Variants in EDAR observed in about 807,000 individuals in gnomAD.
EDAR encodes ectodysplasin A receptor.
Under a neutral mutation model 51.3 loss-of-function variants are expected in EDAR, and 38 were observed. That is an observed-to-expected ratio of 0.74 (90% CI 0.57 to 0.97). The LOEUF (loss-of-function observed/expected upper bound fraction) is 0.97, where lower values mean the gene tolerates loss of function less well. EDAR is among the 50% of genes least tolerant of loss of function. EDAR has a pLI of 0.00. For synonymous variants in EDAR, 227 were observed against 242.1 expected, an observed-to-expected ratio of 0.94 and a Z score of 0.58; for missense variants, 528 against 595.0, an observed-to-expected ratio of 0.89 and a Z score of 1.17.
intron 1 of EDAR, among the ~76,000 whole-genome samples, chr2:108,936,235 C>A (rs1418068727): frequency 1.3e-5 from 2 of 152,236 alleles, no homozygotes; most frequent in Non-Finnish European, 2.9e-5. Flanking sequence ...CCTTGGCAGG[C>A]CTGATGGTTC....
intron 7 of EDAR, 31 bp from the exon 8 acceptor site, chr2:108,910,881 G>C: frequency 6.2e-7 from 1 of 1,614,050 alleles, no homozygotes; most frequent in Non-Finnish European, 8.5e-7. Context: ...GAGCAGCCAG[G>C]CTCTCCGACA....
At chr2:108,909,841 C>T (rs1696883436) in intron 9 of EDAR, among the ~76,000 whole-genome samples, 1 of 152,240 alleles carries the variant, frequency 6.6e-6, no homozygotes, top group South Asian at 2.1e-4. Context: ...CTCTTTACAC[C>T]ATGTGGCTCC....
At chr2:108,958,523 G>A (rs547766534) in intron 1 of EDAR, among the ~76,000 whole-genome samples, 1 of 152,166 alleles carries the variant, frequency 6.6e-6, no homozygotes, top group Non-Finnish European at 1.5e-5. Flanking sequence ...GAACAGGGGG[G>A]CATGGCAAGA....
At chr2:108,916,701 AGCCGAGGAGG>A (rs1697034893) in intron 5 of EDAR, among the ~76,000 whole-genome samples, 2 of 152,158 alleles carry the variant, frequency 1.3e-5, no homozygotes, top group Non-Finnish European at 2.9e-5. Flanking sequence ...ACGTGTGCGC[AGCCGAGGAGG>A]TGGGGGCAAG....
chr2:108,916,723 T>G (rs1348104917), intron 5 of EDAR, among the ~76,000 whole-genome samples: 1 of 152,064 alleles, frequency 6.6e-6, no homozygotes, highest in Non-Finnish European at 1.5e-5. Flanking sequence ...GGGGGCAAGA[T>G]GGGTGGGATG....
rs779752511 is a variant in EDAR at position 108,910,896 on chromosome 2, G to T, written c.656-46C>A. ...GAGCAGCCAGGCTCTCCGACAGGGG[G>T]AGTTGACGGAGAGTCCAGGAAGCAG... On this transcript the variant is annotated intron_variant, in intron 7 of 11. Transcript: ENST00000258443. 4.3e-6 allele frequency: 7 copies of T among 1,614,022 alleles called. No individual in the cohort carries two copies. The South Asian group carries it at 7.7e-5, about 18-fold the overall frequency.
At chr2:108,971,921 G>C (rs988654736) in intron 1 of EDAR, among the ~76,000 whole-genome samples, 2 of 152,210 alleles carry the variant, frequency 1.3e-5, no homozygotes, top group African/African-American at 2.4e-5. Flanking sequence ...GCTGTGCCGT[G>C]GCTGCTGCTC....
intron 1 of EDAR, among the ~76,000 whole-genome samples, chr2:108,968,392 T>C (rs1469295568): frequency 6.6e-6 from 1 of 152,210 alleles, no homozygotes; most frequent in Non-Finnish European, 1.5e-5. Context: ...ATGCATCCTT[T>C]TGACTGTTGA....
chr2:108,934,584 G>A (rs1697431013), intron 1 of EDAR, among the ~76,000 whole-genome samples: 1 of 152,152 alleles, frequency 6.6e-6, no homozygotes, highest in African/African-American at 2.4e-5. Flanking sequence ...TGGGGTTCTG[G>A]TTCTGGGAAG....
chr2:108,930,312 A>G, intron 2 of EDAR, 70 bp from the exon 3 acceptor site: 1 of 1,604,090 alleles, frequency 6.2e-7, no homozygotes, highest in Admixed American at 1.7e-5. Context: ...GCAAGACCCC[A>G]AGGTTGACAT....
chr2:108,922,863 A>T (rs1163367060), intron 5 of EDAR, among the ~76,000 whole-genome samples: 1 of 152,202 alleles, frequency 6.6e-6, no homozygotes, highest in Admixed American at 6.5e-5. Flanking sequence ...AAAGGATAAC[A>T]GGAAAGAAAC....
At chr2:108,907,774 G>T in intron 10 of EDAR, 86 bp downstream of exon 10, 1 of 1,506,244 alleles carries the variant, frequency 6.6e-7, no homozygotes, top group South Asian at 1.1e-5. Context: ...TCTTGCAGGA[G>T]AGCTGATTCA....
chr2:108,922,425 G>A (rs190364539), intron 5 of EDAR, among the ~76,000 whole-genome samples: 13 of 152,306 alleles, frequency 8.5e-5, no homozygotes, highest in Non-Finnish European at 1.5e-4. Flanking sequence ...CAAACACATT[G>A]GTGCAGGGCT....
intron 9 of EDAR, among the ~76,000 whole-genome samples, chr2:108,909,788 A>G (rs1275698241): frequency 6.6e-6 from 1 of 152,206 alleles, no homozygotes; most frequent in African/African-American, 2.4e-5. Context: ...TGTGTGGTAA[A>G]CGCGGGAAAG....
At chr2:108,980,629 T>C (rs889951048) in intron 1 of EDAR, among the ~76,000 whole-genome samples, 43 of 152,108 alleles carry the variant, frequency 2.8e-4, no homozygotes, top group Non-Finnish European at 5.7e-4. Context: ...GCTGCTGTTT[T>C]ATACAGTGTG....
At chr2:108,961,133 G>T (rs1433489960) in intron 1 of EDAR, among the ~76,000 whole-genome samples, 5 of 152,260 alleles carry the variant, frequency 3.3e-5, no homozygotes, top group African/African-American at 1.2e-4. Flanking sequence ...AGACCCTGCA[G>T]AGTGGCCCCC....
Position 108,906,384 on chromosome 2 carries a change from G to A in EDAR, c.964-16C>T, listed in dbSNP as rs377672239. The A allele has an allele frequency of 1.3e-4, 212 of 1,613,880 alleles. No homozygotes were observed. Among genetic ancestry groups the A allele is most frequent in the Non-Finnish European group, 1.7e-4 (198 of 1,179,894 alleles). On this transcript the variant is annotated splice_polypyrimidine_tract_variant and intron_variant, in intron 10 of 11. Coordinates refer to ENST00000258443, the MANE Select transcript of EDAR (RefSeq NM_022336.4). ...GGCTTTGAATCTGTGAAAAAGAGTC[G>A]AGAATTTTCATCTCCAGAAAGGGGC... is the stretch of plus-strand genomic sequence containing the variant.
intron 1 of EDAR, among the ~76,000 whole-genome samples, chr2:108,950,039 C>T (rs1481643171): frequency 1.3e-5 from 2 of 152,142 alleles, no homozygotes; most frequent in Non-Finnish European, 2.9e-5. Flanking sequence ...TCACTGAGTG[C>T]GGCCTGGGCA....
chr2:108,938,908 T>C (rs1697529800), intron 1 of EDAR, among the ~76,000 whole-genome samples: 1 of 149,098 alleles, frequency 6.7e-6, no homozygotes, highest in Admixed American at 6.8e-5. Flanking sequence ...GCCTCTCGAG[T>C]AGCTGCGACT....
Sources: gnomAD v4.1 joint callset for allele counts (sites outside exome capture counted in the v4.1 genomes callset) on GRCh38, gnomAD v4.1.1 for gene constraint, MANE v1.5 for transcripts, NCBI Gene and HGNC (gene_info 2026-07-23, HGNC 2026-07-21) for gene names.